Variants in ZNF638 observed in about 807,000 individuals in gnomAD.
The protein encoded by ZNF638 is zinc finger protein 638, also known as CTCL tumor antigen se33-1.
ZNF638 carries 46 observed loss-of-function variants against 195.6 expected under a neutral mutation model. The ratio of observed to expected loss-of-function variants is 0.24; its 90% CI spans 0.19 to 0.30. ZNF638 has a LOEUF of 0.30. ZNF638 is among the 10% of genes least tolerant of loss of function. The pLI, the probability that ZNF638 is intolerant of heterozygous loss-of-function variation, is 1.00. For missense variants in ZNF638, 2,440 were observed against 2,325.3 expected (o/e 1.05, Z -1.01); for synonymous variants, 845 against 772.0 (o/e 1.09, Z -1.57).
chr2:71,388,740 C>A, intron 10 of ZNF638: 2 of 1,138,788 alleles, frequency 1.8e-6, no homozygotes, highest in Admixed American at 1.8e-5. Flanking sequence ...CATTGGTGCC[C>A]ACTCGGGATA....
At chr2:71,354,110 T>C (rs748262425) in intron 2 of ZNF638, among the ~76,000 whole-genome samples, 4 of 152,232 alleles carry the variant, frequency 2.6e-5, no homozygotes, top group Middle Eastern at 3.2e-3. Context: ...AATCCAAAAT[T>C]ATTGTCAACC....
At chr2:71,426,096 A>G (rs1214774169) in intron 23 of ZNF638, among the ~76,000 whole-genome samples, 2 of 152,238 alleles carry the variant, frequency 1.3e-5, no homozygotes, top group Middle Eastern at 3.2e-3. Flanking sequence ...CTTCTAGAGC[A>G]CTTATTAGAT....
chr2:71,363,538 A>G (rs747019226), intron 4 of ZNF638, among the ~76,000 whole-genome samples: 3 of 152,258 alleles, frequency 2.0e-5, no homozygotes, highest in Admixed American at 6.5e-5. Flanking sequence ...GTACACACAC[A>G]TAGAGAAATC....
intron 25 of ZNF638, 174 bp from the exon 26 acceptor site, chr2:71,431,153 C>T (rs1573181231): frequency 1.8e-6 from 1 of 557,074 alleles, no homozygotes; most frequent in Non-Finnish European, 3.3e-6. Flanking sequence ...AATGGATTTA[C>T]CCATTTATTC....
At chr2:71,428,211 A>G (rs969229262) in intron 24 of ZNF638, among the ~76,000 whole-genome samples, 1 of 152,148 alleles carries the variant, frequency 6.6e-6, no homozygotes, top group Non-Finnish European at 1.5e-5. Flanking sequence ...AAGAAAAAAA[A>G]CCTGAAAGAT....
intron 10 of ZNF638, chr2:71,395,356 A>T: frequency 2.8e-6 from 2 of 712,386 alleles, no homozygotes; most frequent in Non-Finnish European, 5.2e-6. Flanking sequence ...AAAGGGGGAG[A>T]TGTAGGAGAT....
At position 71,427,482 on chromosome 2, in the gene ZNF638, A is replaced by G. The variant is rs114218911; in HGVS notation, c.5545+68A>G. The G allele has an allele frequency of 2.0e-3, 2,458 of 1,211,698 alleles. 46 individuals carry two copies. The African/African-American group carries it at 0.032, about 16-fold the overall frequency. 75.1% of individuals were successfully genotyped at this position (1,211,698 alleles called of 1,614,324 possible). On this transcript the variant is annotated intron_variant, in intron 24 of 27. Coordinates refer to ENST00000264447, the MANE Select transcript of ZNF638 (RefSeq NM_014497.5). ...TTACATTTAAAATTAATTTTAAAAT[A>G]CATGTTGTGGCATTACCAATAATGT...
intron 8 of ZNF638, among the ~76,000 whole-genome samples, chr2:71,370,342 T>C (rs1173542558): frequency 1.3e-5 from 2 of 151,278 alleles, no homozygotes; most frequent in Non-Finnish European, 3.0e-5. Context: ...CACCCTCCCT[T>C]CTTCTCACAA....
At chr2:71,404,434 G>A (rs1254986349) in intron 17 of ZNF638, among the ~76,000 whole-genome samples, 1 of 152,106 alleles carries the variant, frequency 6.6e-6, no homozygotes, top group East Asian at 1.9e-4. Context: ...ACTGGTCCAG[G>A]TATGGTGGCT....
At chr2:71,429,745 AG>A (rs2080618127) in intron 25 of ZNF638, among the ~76,000 whole-genome samples, 1 of 152,212 alleles carries the variant, frequency 6.6e-6, no homozygotes, top group South Asian at 2.1e-4. Flanking sequence ...AACCCCCATT[AG>A]GTTGTTGTCA....
intron 24 of ZNF638, 62 bp downstream of exon 24, chr2:71,427,476 T>C: frequency 8.0e-7 from 1 of 1,257,364 alleles, no homozygotes; most frequent in Non-Finnish European, 1.1e-6. Context: ...AAATTAATTT[T>C]AAAATACATG....
In ZNF638 at chr2:71,427,432, G is replaced by T. The variant is rs752554799; in HGVS notation, c.5545+18G>T. The stretch of plus-strand genomic sequence containing the variant: ...CTTAACAGGTAGATACTTGGAAGGG[G>T]TAGTCTTTCTGTTTTATGAGGGGAT... On this transcript the variant is annotated intron_variant, in intron 24 of 27. Coordinates refer to ENST00000264447, the MANE Select transcript of ZNF638 (RefSeq NM_014497.5). 2.7e-6 allele frequency: 4 copies of T among 1,502,396 alleles called. No individual in the cohort carries two copies. Among genetic ancestry groups the T allele is most frequent in the Admixed American group, 2.4e-5 (1 of 42,320 alleles). The allele number at this position is 1,502,396 out of a possible 1,614,324, so 93.1% of individuals were successfully genotyped here. A position where few individuals can be genotyped will look rare whatever the true frequency, so the allele number is the denominator to read the frequency against.
At chr2:71,400,086 C>G (rs576715205) in intron 13 of ZNF638, 26 bp from the exon 14 acceptor site, 1 of 1,563,600 alleles carries the variant, frequency 6.4e-7, no homozygotes, top group African/African-American at 1.4e-5. Context: ...TTTTACTAGA[C>G]TATTAAAGCA....
chr2:71,335,700 T>G (rs2078654141), intron 1 of ZNF638, among the ~76,000 whole-genome samples: 1 of 152,206 alleles, frequency 6.6e-6, no homozygotes, highest in Non-Finnish European at 1.5e-5. Context: ...AACAAATGCT[T>G]CTATCAGTTC....
rs760685540 is a variant in ZNF638, at chr2:71,426,658, T to G, written c.4789T>G (p.Ser1597Ala). The part of the protein sequence containing the change: ...STPRGVEGEL[S>A]FVTLDEIGEE... ...TCCTCGTGGTGTTGAGGGAGAACTA[T>G]CTTTTGTGACATTGGATGAGATTGG... Residue 1597 changes from serine (S) to alanine (A), a missense_variant, in exon 24 of 28, where the codon TCT (serine) becomes GCT (alanine). By Grantham distance (99) the Ser-to-Ala change is moderately conservative. This residue lies in a region of ZNF638 where 1,883 missense variants were observed against 1,739.1 expected (regional missense o/e 1.08). Transcript: ENST00000264447. 1.2e-6 allele frequency: 2 copies of G among 1,614,054 alleles called. No homozygotes were observed. Among genetic ancestry groups the G allele is most frequent in the South Asian group, 1.1e-5 (1 of 91,084 alleles).
chr2:71,403,333 T>C (rs1247058434), intron 16 of ZNF638, among the ~76,000 whole-genome samples: 1 of 152,114 alleles, frequency 6.6e-6, no homozygotes, highest in East Asian at 1.9e-4. Flanking sequence ...ATCAAATATA[T>C]GGAAGAAGTT....
intron 21 of ZNF638, among the ~76,000 whole-genome samples, chr2:71,421,364 TTA>T (rs202152622): frequency 5.7e-4 from 82 of 144,480 alleles, no homozygotes; most frequent in African/African-American, 1.2e-3. Context: ...TGTGATTATT[TTA>T]AAAAAAAAAC....
chr2:71,433,020 G>A lies in ZNF638; in HGVS notation c.5753-145G>A, dbSNP rs948329463. On this transcript the variant is annotated intron_variant, in intron 26 of 27. Coordinates refer to ENST00000264447, the MANE Select transcript of ZNF638 (RefSeq NM_014497.5). ...GAGAATCACATGAACCCAGGAGGCA[G>A]AGGTTGCAGTGAGCTGACATCGCGC... is the stretch of plus-strand genomic sequence containing the variant. The A allele has an allele frequency of 7.4e-6, 5 of 679,980 alleles. No homozygotes were observed. In the African/African-American group the frequency reaches 8.9e-5, roughly 12 times the overall value. 42.1% of individuals were successfully genotyped at this position (679,980 alleles called of 1,614,324 possible).
At chr2:71,347,098 G>C (rs1290341124) in intron 1 of ZNF638, among the ~76,000 whole-genome samples, 1 of 152,184 alleles carries the variant, frequency 6.6e-6, no homozygotes, top group East Asian at 1.9e-4. Flanking sequence ...GGTTGAATGG[G>C]GGTGACCTTG....
Sources: gnomAD v4.1 joint callset for allele counts (sites outside exome capture counted in the v4.1 genomes callset) on GRCh38, gnomAD v4.1.1 for gene constraint, gnomAD v4.1.1 regional missense constraint, MANE v1.5 for transcripts, NCBI Gene and HGNC (gene_info 2026-07-23, HGNC 2026-07-21) for gene names.